NOL4L: variants seen among roughly 807,000 people sequenced by gnomAD.
The protein encoded by NOL4L is nucleolar protein 4-like.
A neutral mutation model predicts 64.5 loss-of-function variants in NOL4L; 7 were observed. That is an observed-to-expected ratio of 0.11 (90% confidence interval 0.06 to 0.20). NOL4L has a LOEUF of 0.20. Among genes scored for constraint, NOL4L ranks in the 10% least tolerant of loss-of-function variants. The probability of loss-of-function intolerance (pLI) is 1.00; values close to 1 mark genes in which losing one functional copy is unlikely to be tolerated. For missense variants in NOL4L, 680 were observed against 967.1 expected (o/e 0.70, Z 3.94); for synonymous variants, 413 against 401.0 (o/e 1.03, Z -0.36).
chr20:32,526,957 G>A (rs2018155000), intron 2 of NOL4L, among the ~76,000 whole-genome samples: 1 of 152,194 alleles, frequency 6.6e-6, no homozygotes, highest in Non-Finnish European at 1.5e-5. Flanking sequence ...GGGTGAGGAG[G>A]GGCCTCTGGT....
chr20:32,581,013 G>A (rs1465298238), intron 1 of NOL4L, among the ~76,000 whole-genome samples: 1 of 152,232 alleles, frequency 6.6e-6, no homozygotes, highest in Non-Finnish European at 1.5e-5. Flanking sequence ...CCCCCGCTTG[G>A]CAGCCCACAG....
At chr20:32,523,694 G>T (rs952503127) in intron 2 of NOL4L, among the ~76,000 whole-genome samples, 1 of 152,204 alleles carries the variant, frequency 6.6e-6, no homozygotes, top group Non-Finnish European at 1.5e-5. Flanking sequence ...GGAAGTTCCA[G>T]GACCCTTGTC....
intron 5 of NOL4L, among the ~76,000 whole-genome samples, chr20:32,461,281 G>A (rs1011919082): frequency 6.6e-6 from 1 of 152,068 alleles, no homozygotes; most frequent in Non-Finnish European, 1.5e-5. Flanking sequence ...GGTACTTGCT[G>A]TTCCCTCTTC....
At chr20:32,579,629 G>GT (rs1980342783) in intron 1 of NOL4L, among the ~76,000 whole-genome samples, 1 of 152,138 alleles carries the variant, frequency 6.6e-6, no homozygotes, top group South Asian at 2.1e-4. Context: ...GGGAAGAAGG[G>GT]TGCACGGTGT....
intron 3 of NOL4L, among the ~76,000 whole-genome samples, chr20:32,518,291 G>A (rs960880878): frequency 2.0e-5 from 3 of 152,232 alleles, no homozygotes; most frequent in East Asian, 1.9e-4. Flanking sequence ...GGGCTTCAGC[G>A]CTGGTTTATA....
intron 1 of NOL4L, among the ~76,000 whole-genome samples, chr20:32,573,231 G>T (rs1349745687): frequency 2.6e-5 from 4 of 151,986 alleles, no homozygotes; most frequent in African/African-American, 9.7e-5. Context: ...TGCCAGGGCT[G>T]GTCTCAAACT....
At chr20:32,455,819 T>G (rs2013444134) in intron 6 of NOL4L, among the ~76,000 whole-genome samples, 1 of 152,210 alleles carries the variant, frequency 6.6e-6, no homozygotes, top group African/African-American at 2.4e-5. Context: ...GATGCTGTTC[T>G]GGGGGAGGGG....
At chr20:32,469,617 C>T (rs2014854320) in intron 5 of NOL4L, among the ~76,000 whole-genome samples, 2 of 152,212 alleles carry the variant, frequency 1.3e-5, no homozygotes, top group African/African-American at 2.4e-5. Flanking sequence ...GTGATCCACC[C>T]GCCTCAGCCT....
intron 1 of NOL4L, among the ~76,000 whole-genome samples, chr20:32,576,163 G>C (rs758484357): frequency 6.6e-6 from 1 of 152,198 alleles, no homozygotes; most frequent in Non-Finnish European, 1.5e-5. Context: ...CTGGACAGAG[G>C]AGGGAGAGAA....
intron 1 of NOL4L, among the ~76,000 whole-genome samples, chr20:32,529,633 G>A (rs574036176): frequency 6.6e-6 from 1 of 152,288 alleles, no homozygotes; most frequent in South Asian, 2.1e-4. Flanking sequence ...AGAGCAGATG[G>A]GGGGCAAAGG....
At chr20:32,529,043 CAGT>C (rs2018248368) in intron 1 of NOL4L, among the ~76,000 whole-genome samples, 1 of 152,212 alleles carries the variant, frequency 6.6e-6, no homozygotes, top group Non-Finnish European at 1.5e-5. Flanking sequence ...GCACTTACAA[CAGT>C]GCCTGACACA....
intron 1 of NOL4L, among the ~76,000 whole-genome samples, chr20:32,577,789 C>T (rs1051159886): frequency 6.6e-6 from 1 of 152,194 alleles, no homozygotes; most frequent in African/African-American, 2.4e-5. Flanking sequence ...CTAGGGAACT[C>T]ATAGTTGCTG....
rs1432577424 is a variant in NOL4L at position 32,447,272 on chromosome 20, C to T, written c.*324G>A. 1 of 557,280 alleles carries T rather than the reference C, an allele frequency of 1.8e-6. No homozygotes were observed. Among genetic ancestry groups the T allele is most frequent in the Non-Finnish European group, 3.4e-6 (1 of 293,446 alleles). 34.5% of individuals were successfully genotyped at this position (557,280 alleles called of 1,614,324 possible). On this transcript the variant is annotated 3_prime_UTR_variant, in exon 11 of 11. Coordinates refer to ENST00000621426, the MANE Select transcript of NOL4L (RefSeq NM_001256798.2). ...TAATTATCTGGGGGTGGGATTCTAA[C>T]ATCAGGGTCCACGAAGGTGATTCTA...
chr20:32,452,094 C>A (rs989061950), intron 10 of NOL4L, 142 bp downstream of exon 10: 2 of 599,824 alleles, frequency 3.3e-6, no homozygotes, highest in Non-Finnish European at 5.0e-6. Flanking sequence ...CAGAGCCGCC[C>A]CTCCTGCTCC....
intron 4 of NOL4L, among the ~76,000 whole-genome samples, chr20:32,488,795 CTTTCTTTCTTTTT>C (rs1568647962): frequency 0.11 from 5,232 of 45,858 alleles, 469 homozygotes; most frequent in East Asian, 0.18. Context: ...TCCTTCCTTT[CTTTCTTTCTTTTT>C]CTTTCTTTCT....
chr20:32,491,073 G>A lies in NOL4L; in HGVS notation c.700-16331C>T, dbSNP rs75642267. Among the ~76,000 whole-genome samples the A allele has an allele frequency of 7.4e-3, 1,120 of 152,280 alleles. 16 individuals are homozygous for A. The highest frequency in any genetic ancestry group is 0.023 in the African/African-American group (963 of 41,538). On this transcript the variant is annotated intron_variant, in intron 4 of 10. Transcript: ENST00000621426. The stretch of plus-strand genomic sequence containing the variant: ...ACAGAGCCACTACCACACACCAGGC[G>A]CCATGACAAGTGCAGGTGACATGGC...
chr20:32,571,274 G>A (rs1395430155), intron 1 of NOL4L, among the ~76,000 whole-genome samples: 1 of 152,140 alleles, frequency 6.6e-6, no homozygotes, highest in Non-Finnish European at 1.5e-5. Context: ...TGCAACCTCC[G>A]CCTCCCAGGT....
chr20:32,451,086 C>T (rs1324483954), intron 10 of NOL4L, among the ~76,000 whole-genome samples: 1 of 152,150 alleles, frequency 6.6e-6, no homozygotes, highest in Non-Finnish European at 1.5e-5. Flanking sequence ...GAGGGGTCTC[C>T]TGCAGCCAAG....
Position 32,453,269 on chromosome 20 carries a change from C to G in NOL4L, c.1497+35G>C, listed in dbSNP as rs376606821. On this transcript the variant is annotated intron_variant, in intron 8 of 10. Coordinates refer to ENST00000621426, the MANE Select transcript of NOL4L (RefSeq NM_001256798.2). The surrounding 1 kb of genome is among the most constrained non-coding windows in gnomAD (Gnocchi z 5.6). ...TGTGGCAGGAGGTCAGTAGTGGCAC[C>G]GAGGGAAAGTGTGGGCCAGGCAGGG... 5 of 1,599,678 alleles carry G rather than the reference C, an allele frequency of 3.1e-6. No homozygotes were observed. The highest frequency in any genetic ancestry group is 1.7e-4 in the Middle Eastern group (1 of 6,000).
Sources: allele counts gnomAD v4.1 joint callset (sites outside exome capture counted in the v4.1 genomes callset), GRCh38; gene constraint gnomAD v4.1.1; non-coding constraint Gnocchi (gnomAD v3.1); transcripts MANE v1.5; gene names NCBI Gene and HGNC (gene_info 2026-07-23, HGNC 2026-07-21).